The following ERBB4 variants were observed in gnomAD, a reference collection of about 807,000 sequenced individuals.
ERBB4 encodes erb-b2 receptor tyrosine kinase 4.
ERBB4 carries 42 observed loss-of-function variants against 158.0 expected under a neutral mutation model. The observed-to-expected ratio is 0.27, with a 90% CI of 0.21 to 0.34. The LOEUF is 0.34. Among genes scored for constraint, ERBB4 ranks in the 10% least tolerant of loss-of-function variants. The probability of loss-of-function intolerance (pLI) is 1.00; values close to 1 mark genes in which losing one functional copy is unlikely to be tolerated. For missense variants in ERBB4, 1,333 were observed against 1,624.1 expected (o/e 0.82, Z 3.08); for synonymous variants, 583 against 558.7 (o/e 1.04, Z -0.61).
intron 20 of ERBB4, among the ~76,000 whole-genome samples, chr2:211,454,562 T>C (rs2064331377): frequency 6.6e-6 from 1 of 152,200 alleles, no homozygotes; most frequent in Non-Finnish European, 1.5e-5. Context: ...TCTCTCTCTT[T>C]AAAGTAATTT....
chr2:212,499,719 AGAG>A (rs1690778588), intron 1 of ERBB4, among the ~76,000 whole-genome samples: 1 of 152,130 alleles, frequency 6.6e-6, no homozygotes, highest in South Asian at 2.1e-4. Flanking sequence ...CCCTTGGCAG[AGAG>A]GAGAACATAG....
At chr2:212,169,116 C>A (rs545827895) in intron 1 of ERBB4, among the ~76,000 whole-genome samples, 1 of 152,050 alleles carries the variant, frequency 6.6e-6, no homozygotes, top group African/African-American at 2.4e-5. Context: ...AATTTATTAT[C>A]TAAAAGACTT....
At chr2:212,256,903 T>A (rs2084759450) in intron 1 of ERBB4, among the ~76,000 whole-genome samples, 1 of 152,192 alleles carries the variant, frequency 6.6e-6, no homozygotes, top group Non-Finnish European at 1.5e-5. Flanking sequence ...AACCAGCGTT[T>A]GTGTTATTTA....
chr2:212,484,814 T>C (rs1374251749), intron 1 of ERBB4, among the ~76,000 whole-genome samples: 1 of 152,208 alleles, frequency 6.6e-6, no homozygotes, highest in African/African-American at 2.4e-5. Context: ...TAAAACTTCA[T>C]TTTCACCCCT....
chr2:211,917,038 AG>A (rs1316175852), intron 3 of ERBB4, among the ~76,000 whole-genome samples: 2 of 152,138 alleles, frequency 1.3e-5, no homozygotes, highest in South Asian at 2.1e-4. Context: ...ACAACTAGGG[AG>A]GGACCCAAGG....
intron 1 of ERBB4, among the ~76,000 whole-genome samples, chr2:212,125,486 G>C (rs1020311728): frequency 1.3e-5 from 2 of 152,046 alleles, no homozygotes; most frequent in African/African-American, 4.8e-5. Flanking sequence ...CTGTGGCATG[G>C]GGGTTATTCA....
At chr2:212,492,249 A>C (rs1197928724) in intron 1 of ERBB4, among the ~76,000 whole-genome samples, 1 of 151,498 alleles carries the variant, frequency 6.6e-6, no homozygotes, top group Non-Finnish European at 1.5e-5. Flanking sequence ...TCTAACGAAG[A>C]GCAACATATA....
At chr2:211,489,799 A>C (rs1238000256) in intron 20 of ERBB4, among the ~76,000 whole-genome samples, 1 of 152,072 alleles carries the variant, frequency 6.6e-6, no homozygotes, top group Non-Finnish European at 1.5e-5. Flanking sequence ...TCATTTATTC[A>C]GCTAATATAT....
chr2:212,129,667 G>C (rs2080049933), intron 1 of ERBB4, among the ~76,000 whole-genome samples: 1 of 151,776 alleles, frequency 6.6e-6, no homozygotes, highest in African/African-American at 2.4e-5. Context: ...TAAATGATCA[G>C]GTAAGTTTTG....
At chr2:211,406,451 C>T (rs13431425) in intron 25 of ERBB4, among the ~76,000 whole-genome samples, 1 of 151,872 alleles carries the variant, frequency 6.6e-6, no homozygotes, top group Non-Finnish European at 1.5e-5. Context: ...GATGATTTAG[C>T]CCCTTAAAGA....
chr2:211,997,909 T>TA (rs35510591), intron 2 of ERBB4, among the ~76,000 whole-genome samples: 26,077 of 150,438 alleles, frequency 0.17, 2,483 homozygotes, highest in African/African-American at 0.27. Flanking sequence ...CACACACACA[T>TA]CACACACACA....
rs73079345 is a variant in ERBB4, at chr2:211,957,133, C to T, written c.235-9517G>A. 9.5e-3 allele frequency among the ~76,000 whole-genome samples: 1,448 copies of T among 152,052 alleles called. 22 individuals carry two copies. Among genetic ancestry groups the T allele is most frequent in the African/African-American group, 0.033 (1,375 of 41,498 alleles). On this transcript the variant is annotated intron_variant, in intron 2 of 27. Transcript: ENST00000342788. The stretch of plus-strand genomic sequence containing the variant: ...ATGTGAGCCACTGTGCCCAGCCAAA[C>T]CCCCATAATGTATACGCTGAAGTCC...
intron 5 of ERBB4, among the ~76,000 whole-genome samples, chr2:211,738,169 T>C (rs1281212287): frequency 6.6e-6 from 1 of 152,118 alleles, no homozygotes; most frequent in African/African-American, 2.4e-5. Flanking sequence ...AAGCTCATAC[T>C]TTCTTTCTTA....
At chr2:212,100,302 G>A (rs559609012) in intron 2 of ERBB4, among the ~76,000 whole-genome samples, 2 of 152,306 alleles carry the variant, frequency 1.3e-5, no homozygotes, top group African/African-American at 2.4e-5. Context: ...GAGAGGACAG[G>A]TGAAACAGAA....
At chr2:211,475,232 T>C (rs1487241948) in intron 20 of ERBB4, among the ~76,000 whole-genome samples, 1 of 152,112 alleles carries the variant, frequency 6.6e-6, no homozygotes, top group Non-Finnish European at 1.5e-5. Flanking sequence ...AGTTTTTATA[T>C]AGAGGGATAA....
At chr2:212,491,962 A>G (rs980108738) in intron 1 of ERBB4, among the ~76,000 whole-genome samples, 1 of 151,534 alleles carries the variant, frequency 6.6e-6, no homozygotes, top group Non-Finnish European at 1.5e-5. Context: ...CCATACAAAG[A>G]CATTTATAAG....
intron 3 of ERBB4, among the ~76,000 whole-genome samples, chr2:211,856,622 C>T (rs1180945636): frequency 1.3e-5 from 2 of 151,946 alleles, no homozygotes; most frequent in African/African-American, 2.4e-5. Context: ...CTCCTGGCCT[C>T]GTGATCCGCC....
At chr2:212,147,632 C>G (rs572422827) in intron 1 of ERBB4, among the ~76,000 whole-genome samples, 2 of 152,088 alleles carry the variant, frequency 1.3e-5, no homozygotes, top group Admixed American at 6.6e-5. Context: ...AGGAAAGAAG[C>G]ATCTTCTCAG....
chr2:211,501,607 T>C (rs2065619092), intron 20 of ERBB4, among the ~76,000 whole-genome samples: 1 of 152,148 alleles, frequency 6.6e-6, no homozygotes, highest in African/African-American at 2.4e-5. Flanking sequence ...TGAATGTATA[T>C]ACATATGGAT....
Sources: allele counts gnomAD v4.1 joint callset (sites outside exome capture counted in the v4.1 genomes callset), GRCh38; gene constraint gnomAD v4.1.1; transcripts MANE v1.5; gene names NCBI Gene and HGNC (gene_info 2026-07-23, HGNC 2026-07-21).